Variants in LRBA observed in about 807,000 individuals in gnomAD.
The protein encoded by LRBA is lipopolysaccharide-responsive and beige-like anchor protein.
In LRBA, 176 loss-of-function variants were observed where a neutral mutation model predicts 330.0. That is an observed-to-expected ratio of 0.53 (90% CI 0.47 to 0.60). The LOEUF (loss-of-function observed/expected upper bound fraction) is 0.60, where lower values mean the gene tolerates loss of function less well. LRBA is among the 20% of genes least tolerant of loss of function. The pLI is 0.00. For missense variants in LRBA, 3,259 were observed against 3,444.8 expected, an observed-to-expected ratio of 0.95 and a Z score of 1.35; for synonymous variants, 1,230 against 1,193.0, an observed-to-expected ratio of 1.03 and a Z score of -0.64.
chr4:150,688,283 C>T (rs1194267609), intron 36 of LRBA, among the ~76,000 whole-genome samples: 2 of 152,156 alleles, frequency 1.3e-5, no homozygotes, highest in Non-Finnish European at 2.9e-5. Context: ...CCCTTCCTTA[C>T]ACCTTATACA....
intron 47 of LRBA, among the ~76,000 whole-genome samples, chr4:150,351,427 T>C (rs572131711): frequency 2.2e-4 from 33 of 152,140 alleles, no homozygotes; most frequent in Non-Finnish European, 2.9e-4. Flanking sequence ...CGGTGGTTCA[T>C]GCCTGTAATC....
At chr4:150,588,653 A>G (rs1772422677) in intron 39 of LRBA, among the ~76,000 whole-genome samples, 1 of 152,228 alleles carries the variant, frequency 6.6e-6, no homozygotes, top group Non-Finnish European at 1.5e-5. Flanking sequence ...ATGAAGTGGG[A>G]AATGTTAAAC....
chr4:150,885,068 C>A (rs1728796527), intron 17 of LRBA, among the ~76,000 whole-genome samples: 1 of 151,714 alleles, frequency 6.6e-6, no homozygotes, highest in Non-Finnish European at 1.5e-5. Context: ...AATAAAGAAT[C>A]TGTGAATTCA....
intron 49 of LRBA, among the ~76,000 whole-genome samples, chr4:150,324,884 C>T (rs1294115309): frequency 6.6e-6 from 1 of 152,138 alleles, no homozygotes; most frequent in Non-Finnish European, 1.5e-5. Context: ...TTTAATCACG[C>T]ACTTCAATTT....
chr4:150,633,632 G>A (rs1162844981), intron 37 of LRBA, among the ~76,000 whole-genome samples: 1 of 152,168 alleles, frequency 6.6e-6, no homozygotes, highest in Admixed American at 6.5e-5. Context: ...CACTAATCAT[G>A]TTCCCCATCC....
chr4:150,471,929 A>G (rs575226373), intron 42 of LRBA, among the ~76,000 whole-genome samples, 190 bp from the exon 43 acceptor site: 1 of 152,232 alleles, frequency 6.6e-6, no homozygotes, highest in Admixed American at 6.5e-5. Flanking sequence ...CCACAGAGGT[A>G]TTATACATGT....
chr4:150,761,351 C>T (rs1216229185), intron 35 of LRBA, among the ~76,000 whole-genome samples: 4 of 152,002 alleles, frequency 2.6e-5, no homozygotes, highest in East Asian at 1.9e-4. Flanking sequence ...CTTATTTCCT[C>T]TATCACCTTT....
intron 56 of LRBA, among the ~76,000 whole-genome samples, chr4:150,268,594 C>G (rs1370656050): frequency 6.6e-6 from 1 of 152,150 alleles, no homozygotes; most frequent in African/African-American, 2.4e-5. Context: ...GGATGACTCA[C>G]CATGCAAAAG....
intron 40 of LRBA, among the ~76,000 whole-genome samples, chr4:150,512,693 CCAAA>C (rs1422903563): frequency 1.4e-5 from 2 of 142,986 alleles, no homozygotes; most frequent in Non-Finnish European, 3.0e-5. Flanking sequence ...TTATAGCAGC[CCAAA>C]CAAAGACAGT....
chr4:150,278,084 C>G lies in LRBA; in HGVS notation c.8317-80G>C. ...CCACCCTGTTTTTGAGTCATTCTTACACCAGCTACTACGGTGCAGAGAGAA... is the reference window on the plus strand; with the variant it reads ...CCACCCTGTTTTTGAGTCATTCTTAGACCAGCTACTACGGTGCAGAGAGAA... On this transcript the variant is annotated intron_variant, in intron 55 of 56. Transcript: ENST00000651943. 4 of 1,246,016 alleles carry G rather than the reference C, an allele frequency of 3.2e-6. No individual in the cohort carries two copies. In the South Asian group the frequency reaches 5.1e-5, roughly 16 times the overall value. 77.2% of individuals were successfully genotyped at this position (1,246,016 alleles called of 1,614,324 possible).
At chr4:150,557,198 A>G (rs1767438787) in intron 40 of LRBA, among the ~76,000 whole-genome samples, 2 of 152,308 alleles carry the variant, frequency 1.3e-5, no homozygotes, top group South Asian at 4.1e-4. Context: ...AAGGCTTCCC[A>G]CTGGCCCAAT....
intron 29 of LRBA, among the ~76,000 whole-genome samples, chr4:150,829,180 C>T (rs1395856595): frequency 6.6e-6 from 1 of 152,144 alleles, no homozygotes; most frequent in Non-Finnish European, 1.5e-5. Context: ...AAGCAATCTA[C>T]CTGCCTCGGC....
intron 42 of LRBA, among the ~76,000 whole-genome samples, chr4:150,482,042 G>A (rs1351289065): frequency 6.6e-6 from 1 of 151,950 alleles, no homozygotes; most frequent in East Asian, 1.9e-4. Flanking sequence ...CAAGTTTGTT[G>A]AAGAATAATT....
intron 40 of LRBA, among the ~76,000 whole-genome samples, chr4:150,519,325 A>G (rs1041685212): frequency 6.6e-6 from 1 of 152,150 alleles, no homozygotes; most frequent in African/African-American, 2.4e-5. Flanking sequence ...CTATTATAAT[A>G]TAATATTTCC....
intron 44 of LRBA, among the ~76,000 whole-genome samples, chr4:150,445,331 T>TA (rs1402676718): frequency 7.0e-6 from 1 of 143,776 alleles, no homozygotes; most frequent in Non-Finnish European, 1.5e-5. Flanking sequence ...AAACTGGTTT[T>TA]AATTTCGGAA....
intron 30 of LRBA, among the ~76,000 whole-genome samples, chr4:150,827,122 G>A (rs1746391044): frequency 6.6e-6 from 1 of 152,140 alleles, no homozygotes; most frequent in Non-Finnish European, 1.5e-5. Context: ...AAAACAATTT[G>A]ACGGAGACAA....
intron 36 of LRBA, among the ~76,000 whole-genome samples, chr4:150,728,921 C>T (rs1378849748): frequency 2.6e-5 from 4 of 152,110 alleles, no homozygotes; most frequent in African/African-American, 9.7e-5. Context: ...TCTTTATTTG[C>T]AGATGATGTG....
At chr4:150,839,155 C>T (rs549897312) in intron 28 of LRBA, among the ~76,000 whole-genome samples, 46 of 152,144 alleles carry the variant, frequency 3.0e-4, no homozygotes, top group Non-Finnish European at 6.0e-4. Flanking sequence ...CATCACTGGC[C>T]ATCAGAGAAA....
At chr4:150,901,024 C>G (rs1730663221) in intron 13 of LRBA, among the ~76,000 whole-genome samples, 1 of 152,110 alleles carries the variant, frequency 6.6e-6, no homozygotes, top group African/African-American at 2.4e-5. Context: ...TTGGCCCACC[C>G]CAGTGATTCA....
Sources: gnomAD v4.1 joint callset for allele counts (sites outside exome capture counted in the v4.1 genomes callset) on GRCh38, gnomAD v4.1.1 for gene constraint, MANE v1.5 for transcripts, NCBI Gene and HGNC (gene_info 2026-07-23, HGNC 2026-07-21) for gene names.